The following ERV3-1 variants were observed in gnomAD, a reference collection of about 807,000 sequenced individuals.
ERV3-1 encodes endogenous retrovirus group 3 member 1 Env polyprotein.
ERV3-1 carries 36 observed loss-of-function variants against 24.6 expected under a neutral mutation model. The ratio of observed to expected loss-of-function variants is 1.47; its 90% CI spans 1.12 to 1.94. The LOEUF (loss-of-function observed/expected upper bound fraction) is 1.94. Ranked by LOEUF, ERV3-1 falls within the 30% of genes most tolerant of loss-of-function variation. The probability of loss-of-function intolerance (pLI) is 0.00; values close to 1 mark genes in which losing one functional copy is unlikely to be tolerated. For synonymous variants in ERV3-1, 211 were observed against 122.6 expected (o/e 1.72, Z -4.76); for missense variants, 578 against 330.9 (o/e 1.75, Z -5.79).
intron 1 of ERV3-1, chr7:65,003,530 A>C (rs1000628260): frequency 7.2e-5 from 11 of 152,174 alleles, no homozygotes; most frequent in African/African-American, 2.7e-4. Flanking sequence ...CAGGCTCAAT[A>C]TTAGCATTAG....
intron 1 of ERV3-1, chr7:65,004,635 C>G (rs1786597831): frequency 6.6e-6 from 1 of 152,040 alleles, no homozygotes; most frequent in Non-Finnish European, 1.5e-5. Flanking sequence ...GTGAACAAAC[C>G]TTTTCAAGGT....
chr7:64,998,917 T>C (rs1314852119), intron 1 of ERV3-1, among the ~76,000 whole-genome samples: 1 of 152,176 alleles, frequency 6.6e-6, no homozygotes, highest in African/African-American at 2.4e-5. Context: ...TCACATTTAT[T>C]CACACACCTC....
intron 1 of ERV3-1, among the ~76,000 whole-genome samples, chr7:65,001,567 T>C (rs979312056): frequency 1.3e-5 from 2 of 151,842 alleles, no homozygotes; most frequent in African/African-American, 4.8e-5. Flanking sequence ...GAAAAGGAGG[T>C]CTGCTATAAG....
chr7:65,005,747 T>C (rs1175973878), intron 1 of ERV3-1, among the ~76,000 whole-genome samples: 1 of 152,166 alleles, frequency 6.6e-6, no homozygotes, highest in African/African-American at 2.4e-5. Context: ...ATCAGTGCCC[T>C]GTGGAGTGTG....
chr7:65,004,878 T>G (rs1291015780), intron 1 of ERV3-1: 1 of 151,326 alleles, frequency 6.6e-6, no homozygotes, highest in African/African-American at 2.4e-5. Context: ...ATTTTTTTTT[T>G]TTTTTTTTTT....
intron 1 of ERV3-1, 116 bp downstream of exon 1, chr7:65,006,425 G>C: frequency 1.4e-6 from 2 of 1,477,014 alleles, no homozygotes; most frequent in Admixed American, 1.7e-5. Flanking sequence ...AGGAGAACTC[G>C]GGGCCGCGGA....
At chr7:65,003,907 A>G (rs1786576951) in intron 1 of ERV3-1, 1 of 152,180 alleles carries the variant, frequency 6.6e-6, no homozygotes, top group Admixed American at 6.6e-5. Flanking sequence ...GTTTTCATGA[A>G]TGTAACTCAC....
chr7:64,992,919 C>T lies in ERV3-1; in HGVS notation c.108G>A (p.Trp36Ter), dbSNP rs1385789344. The T allele has an allele frequency of 1.3e-6, 1 of 766,426 alleles. No homozygotes were observed. The highest frequency in any genetic ancestry group is 2.4e-5 in the East Asian group (1 of 41,236). 47.5% of individuals were successfully genotyped at this position (766,426 alleles called of 1,614,324 possible). A position where few individuals can be genotyped will look rare whatever the true frequency, so the allele number is the denominator to read the frequency against. ...GGGTTTTAGTCATGATGTTCCCCGA[C>T]CACGTAGTGTGGGTGCAGTGGAGGC... is the stretch of plus-strand genomic sequence containing the variant. ...EGCLHCTHTT[W>*]SGNIMTKTLL... The change falls in exon 2 of 2, where the codon TGG becomes TGA. Residue 36 changes from tryptophan (W) to a stop codon, truncating the protein, a stop_gained. Transcript: ENST00000394323. LOFTEE classifies it high-confidence loss of function.
intron 1 of ERV3-1, among the ~76,000 whole-genome samples, chr7:64,997,057 CCT>C (rs1425147739): frequency 1.3e-5 from 2 of 152,212 alleles, no homozygotes; most frequent in Non-Finnish European, 2.9e-5. Flanking sequence ...TCCAGTGTCC[CCT>C]CTTTTTGCAT....
rs756230589 is a variant in ERV3-1, at chr7:64,991,706, T to C, written c.1321A>G (p.Thr441Ala). The change falls in exon 2 of 2, where the codon ACA (threonine) becomes GCA (alanine). Residue 441 changes from threonine to alanine, a missense_variant. Coordinates refer to ENST00000394323, the MANE Select transcript of ERV3-1 (RefSeq NM_001007253.4). ...AKWSGACVLGTIRPSFFLMPL... is the reference protein window; with the variant it reads ...AKWSGACVLGAIRPSFFLMPL... ...ATTAGGAAGAAGGACGGCCTAATTG[T>C]CCCCAGTACACAGGCCCCTGACCAT... 12 of 756,900 alleles carry C rather than the reference T, an allele frequency of 1.6e-5. No individual in the cohort carries two copies. Among genetic ancestry groups the C allele is most frequent in the Non-Finnish European group, 2.9e-5 (12 of 413,554 alleles). 46.9% of individuals were successfully genotyped at this position (756,900 alleles called of 1,614,324 possible).
chr7:64,993,274 C>T lies in ERV3-1; in HGVS notation c.-248G>A. On this transcript the variant is annotated 5_prime_UTR_variant, in exon 2 of 2. Transcript: ENST00000394323. Reference sequence around the variant, plus strand: ...AGCTTCCGGAGTGACCAGAGCAGGGCTGTTGTCATCTCACTGGCACCTTGG... The same window carrying T: ...AGCTTCCGGAGTGACCAGAGCAGGGTTGTTGTCATCTCACTGGCACCTTGG... 1 of 431,832 alleles carries T rather than the reference C, an allele frequency of 2.3e-6. No homozygotes were observed. The highest frequency in any genetic ancestry group is 2.0e-5 in the African/African-American group (1 of 50,884). The allele number at this position is 431,832 out of a possible 1,614,324, so 26.8% of individuals were successfully genotyped here.
In ERV3-1 at chr7:64,991,349, G is replaced by A. The variant is rs1324002332; in HGVS notation, c.1678C>T (p.Gln560Ter). 1.6e-5 allele frequency: 11 copies of A among 704,608 alleles called. No individual in the cohort carries two copies. The highest frequency in any genetic ancestry group is 8.0e-5 in the Admixed American group (4 of 50,014). 43.6% of individuals were successfully genotyped at this position (704,608 alleles called of 1,614,324 possible). ...AACTTTCCGCATACTCCCTCTTCCT[G>A]GGCTAGGAGGTAGTCTAAGGCCAGT... is the stretch of plus-strand genomic sequence containing the variant. ...NRLALDYLLA[Q>*]EEGVCGKFNL... Residue 560 changes from glutamine to a stop codon, truncating the protein, a stop_gained, in exon 2 of 2, where the codon CAG becomes TAG. Coordinates refer to ENST00000394323, the MANE Select transcript of ERV3-1 (RefSeq NM_001007253.4). LOFTEE classifies it high-confidence loss of function.
rs1385106525 is a variant in ERV3-1, at chr7:64,991,639, T to C, written c.1388A>G (p.Asp463Gly). Residue 463 changes from aspartate (D) to glycine (G), a missense_variant, in exon 2 of 2, where the codon GAT becomes GGT. Coordinates refer to ENST00000394323, the MANE Select transcript of ERV3-1 (RefSeq NM_001007253.4). ...QGEALGYPIY[D>G]ETKRKSKRGI... ...TCTTTTGCTTTTCCTTTTAGTTTCA[T>C]CATAGATGGGGTATCCTAAGGCTTC... 6 of 705,490 alleles carry C rather than the reference T, an allele frequency of 8.5e-6. No homozygotes were observed. The Admixed American group carries it at 1.2e-4, about 14-fold the overall frequency. The allele number at this position is 705,490 out of a possible 1,614,324, so 43.7% of individuals were successfully genotyped here.
At chr7:64,996,026 G>T (rs1218252168) in intron 1 of ERV3-1, among the ~76,000 whole-genome samples, 1 of 152,240 alleles carries the variant, frequency 6.6e-6, no homozygotes, top group Non-Finnish European at 1.5e-5. Context: ...CTGGTGCCAG[G>T]TAGAGACAGA....
rs762545768 is a variant in ERV3-1 at position 64,992,293 on chromosome 7, G to A, written c.734C>T (p.Thr245Ile). 2 of 766,242 alleles carry A rather than the reference G, an allele frequency of 2.6e-6. No homozygotes were observed. Among genetic ancestry groups the A allele is most frequent in the South Asian group, 2.7e-5 (2 of 74,608 alleles). 47.5% of individuals were successfully genotyped at this position (766,242 alleles called of 1,614,324 possible). The change falls in exon 2 of 2, where the codon ACC becomes ATC. Residue 245 changes from threonine (T) to isoleucine (I), a missense_variant. By Grantham distance (89) the Thr-to-Ile change is moderately conservative. Coordinates refer to ENST00000394323, the MANE Select transcript of ERV3-1 (RefSeq NM_001007253.4). The stretch of plus-strand genomic sequence containing the variant: ...AACTCGGAACTGTTGGGTTGAGCGG[G>A]TCCGAGTTTTCTTTATGATATATAG... The part of the protein sequence containing the change: ...VYLYIIKKTR[T>I]RSTQQFRVFE...
intron 1 of ERV3-1, among the ~76,000 whole-genome samples, chr7:65,001,735 T>C (rs775048793): frequency 3.0e-4 from 46 of 152,176 alleles, no homozygotes; most frequent in South Asian, 2.1e-4. Context: ...GCCTCTGAGA[T>C]GTCTTTCTTC....
Position 64,991,772 on chromosome 7 carries a change from A to C in ERV3-1, c.1255T>G (p.Trp419Gly). 1.3e-6 allele frequency: 1 copy of C among 766,230 alleles called. No individual in the cohort carries two copies. The highest frequency in any genetic ancestry group is 1.3e-5 in the South Asian group (1 of 74,614). 47.5% of individuals were successfully genotyped at this position (766,230 alleles called of 1,614,324 possible). Reference sequence around the variant, plus strand: ...CGATATGCTTGTGGCCCACAGATCCAGTAGAGGCCAGAGGGTGCCTGCCAG... The same window carrying C: ...CGATATGCTTGTGGCCCACAGATCCCGTAGAGGCCAGAGGGTGCCTGCCAG... ...NTWQAPSGLY[W>G]ICGPQAYRQL... The change falls in exon 2 of 2, where the codon TGG (tryptophan) becomes GGG (glycine). Residue 419 changes from tryptophan to glycine, a missense_variant. By Grantham distance (184) the Trp-to-Gly change is radical. Transcript: ENST00000394323.
intron 1 of ERV3-1, among the ~76,000 whole-genome samples, chr7:64,995,443 T>A (rs1251951081): frequency 6.6e-6 from 1 of 152,192 alleles, no homozygotes; most frequent in Non-Finnish European, 1.5e-5. Context: ...GGAGCCTGAG[T>A]TAGGGCTTCT....
At chr7:65,005,133 C>A in intron 1 of ERV3-1, 2 of 161,384 alleles carry the variant, frequency 1.2e-5, no homozygotes, top group South Asian at 3.4e-4. Context: ...AGGCTACACT[C>A]CAACTTCAGG....
Sources: gnomAD v4.1 joint callset for allele counts (sites outside exome capture counted in the v4.1 genomes callset) on GRCh38, gnomAD v4.1.1 for gene constraint, MANE v1.5 for transcripts, NCBI Gene and HGNC (gene_info 2026-07-23, HGNC 2026-07-21) for gene names.